Variants in HLF observed in about 807,000 individuals in gnomAD.
HLF encodes the protein hepatic leukemia factor.
HLF carries 3 observed loss-of-function variants against 22.6 expected under a neutral mutation model. The observed-to-expected ratio is 0.13, with a 90% CI of 0.06 to 0.34. The LOEUF (loss-of-function observed/expected upper bound fraction) is 0.34, where lower values mean the gene tolerates loss of function less well. Ranked by LOEUF, HLF falls within the 10% of genes least tolerant of loss-of-function variation. The pLI is 1.00. For missense variants in HLF, 299 were observed against 389.2 expected (o/e 0.77, Z 1.95); for synonymous variants, 151 against 151.8 (o/e 0.99, Z 0.04).
At chr17:55,317,729 A>C (rs28665431) in intron 3 of HLF, among the ~76,000 whole-genome samples, 9,023 of 152,272 alleles carry the variant, frequency 0.059, 600 homozygotes, top group African/African-American at 0.16. Flanking sequence ...TCTGGCCCCC[A>C]GCATTGGACA....
chr17:55,317,467 A>C (rs774422248), intron 3 of HLF, among the ~76,000 whole-genome samples: 1 of 152,220 alleles, frequency 6.6e-6, no homozygotes, highest in Non-Finnish European at 1.5e-5. Context: ...GGCAACAAAG[A>C]GGCCAGACAA....
In HLF at chr17:55,321,781, T is replaced by C. The variant is rs1905270489; in HGVS notation, c.*902T>C. ...CAGAGGGAAATGGGAGGTCTAAGGA[T>C]GAGGGGTTAATTTATCAGTACATGA... On this transcript the variant is annotated 3_prime_UTR_variant, in exon 4 of 4. Transcript: ENST00000226067. 1 of 231,410 alleles carries C rather than the reference T, an allele frequency of 4.3e-6. No homozygotes were observed. The highest frequency in any genetic ancestry group is 8.6e-6 in the Non-Finnish European group (1 of 116,690). 14.3% of individuals were successfully genotyped at this position (231,410 alleles called of 1,614,324 possible).
intron 2 of HLF, among the ~76,000 whole-genome samples, chr17:55,270,095 G>A (rs1431024055): frequency 6.6e-6 from 1 of 152,192 alleles, no homozygotes; most frequent in Non-Finnish European, 1.5e-5. Context: ...GTGACTCTCA[G>A]AAGGCTTGGA....
intron 2 of HLF, among the ~76,000 whole-genome samples, chr17:55,292,833 C>T (rs2081076584): frequency 6.6e-6 from 1 of 152,174 alleles, no homozygotes; most frequent in African/African-American, 2.4e-5. Context: ...AATTCTATCA[C>T]TTGCAGCAAC....
intron 2 of HLF, among the ~76,000 whole-genome samples, chr17:55,270,919 G>C (rs2080849141): frequency 6.6e-6 from 1 of 152,292 alleles, no homozygotes; most frequent in South Asian, 2.1e-4. Context: ...TGGAATTACA[G>C]GCGTGAGCCA....
chr17:55,319,111 A>G (rs918695312), intron 3 of HLF: 5 of 152,252 alleles, frequency 3.3e-5, no homozygotes, highest in Non-Finnish European at 7.3e-5. Context: ...TATGAAATGT[A>G]TAAAAAGCTG....
chr17:55,301,119 G>A (rs1321262623), intron 2 of HLF, among the ~76,000 whole-genome samples: 1 of 152,202 alleles, frequency 6.6e-6, no homozygotes, highest in African/African-American at 2.4e-5. Flanking sequence ...GACATTTCCT[G>A]TTGTCCCTGC....
chr17:55,282,746 G>T (rs1182531381), intron 2 of HLF, among the ~76,000 whole-genome samples: 1 of 152,100 alleles, frequency 6.6e-6, no homozygotes, highest in Non-Finnish European at 1.5e-5. Context: ...GCTGGAAGAC[G>T]ACTAACATTC....
At position 55,323,179 on chromosome 17, in the gene HLF, C is replaced by G. The variant is rs1567829360; in HGVS notation, c.*2300C>G. 1.4e-5 allele frequency: 3 copies of G among 217,060 alleles called. No individual in the cohort carries two copies. In the East Asian group the frequency reaches 2.1e-4, roughly 15 times the overall value. The allele number at this position is 217,060 out of a possible 1,614,324, so 13.4% of individuals were successfully genotyped here. A position where few individuals can be genotyped will look rare whatever the true frequency, so the allele number is the denominator to read the frequency against. On this transcript the variant is annotated 3_prime_UTR_variant, in exon 4 of 4. Transcript: ENST00000226067. Reference sequence around the variant, plus strand: ...AAGAGATGGGGGTGTATTGGAATTGCAATACATTGTTCAGGTGAATAATAA... The same window carrying G: ...AAGAGATGGGGGTGTATTGGAATTGGAATACATTGTTCAGGTGAATAATAA...
rs147246511 is a variant in HLF at position 55,290,371 on chromosome 17, C to T, written c.451+22285C>T. Reference sequence around the variant, plus strand: ...CACAAGCCTTTTGGCACTATTTTTCCAACAGTATGTGTTCACTTGGTGTCT... The same window carrying T: ...CACAAGCCTTTTGGCACTATTTTTCTAACAGTATGTGTTCACTTGGTGTCT... On this transcript the variant is annotated intron_variant, in intron 2 of 3. Transcript: ENST00000226067. Among the ~76,000 whole-genome samples the T allele has an allele frequency of 1.4e-4, 21 of 152,246 alleles. No homozygotes were observed. The East Asian group carries it at 1.5e-3, about 11-fold the overall frequency.
At chr17:55,268,712 T>G (rs920781043) in intron 2 of HLF, among the ~76,000 whole-genome samples, 96 of 152,212 alleles carry the variant, frequency 6.3e-4, no homozygotes, top group African/African-American at 2.2e-3. Context: ...CTCGTTGCTA[T>G]TCCCATAAAC....
At chr17:55,286,810 C>G (rs1012219007) in intron 2 of HLF, among the ~76,000 whole-genome samples, 1 of 152,176 alleles carries the variant, frequency 6.6e-6, no homozygotes, top group Non-Finnish European at 1.5e-5. Context: ...AACAACCAAT[C>G]AAGACTTACA....
At chr17:55,318,477 G>A (rs377294083) in intron 3 of HLF, among the ~76,000 whole-genome samples, 1 of 152,146 alleles carries the variant, frequency 6.6e-6, no homozygotes, top group Non-Finnish European at 1.5e-5. Context: ...AGAGAAGTTG[G>A]TTGTTACCCT....
At chr17:55,300,099 A>G (rs1427385022) in intron 2 of HLF, among the ~76,000 whole-genome samples, 1 of 152,184 alleles carries the variant, frequency 6.6e-6, no homozygotes, top group African/African-American at 2.4e-5. Flanking sequence ...TCAGCCTCCC[A>G]AAGTGCTGGA....
rs1452734443 is a variant in HLF, at chr17:55,320,018, T to A, written c.673-646T>A. On this transcript the variant is annotated intron_variant, in intron 3 of 3. Transcript: ENST00000226067. This position sits in a 1 kb window ranked among gnomAD's most constrained non-coding sequence, Gnocchi z 4.2. ...CTTTCTGGTGCAGGTGGGTCATTATTTTTAACAGCTGCCAAGTATCCCTTT... is the reference window on the plus strand; with the variant it reads ...CTTTCTGGTGCAGGTGGGTCATTATATTTAACAGCTGCCAAGTATCCCTTT... Among the ~76,000 whole-genome samples the A allele has an allele frequency of 6.6e-6, 1 of 152,230 alleles. No homozygotes were observed. The highest frequency in any genetic ancestry group is 1.9e-4 in the East Asian group (1 of 5,202).
chr17:55,303,758 C>T (rs1904408065), intron 2 of HLF, among the ~76,000 whole-genome samples: 1 of 152,126 alleles, frequency 6.6e-6, no homozygotes, highest in South Asian at 2.1e-4. Flanking sequence ...TCTGCATCCT[C>T]ATGGATGGTT....
intron 2 of HLF, among the ~76,000 whole-genome samples, chr17:55,301,146 G>A (rs2081154369): frequency 6.6e-6 from 1 of 152,224 alleles, no homozygotes; most frequent in African/African-American, 2.4e-5. Flanking sequence ...TCCAAAGATA[G>A]GGATTTGTGA....
At chr17:55,281,694 CAT>C (rs1415188848) in intron 2 of HLF, among the ~76,000 whole-genome samples, 2 of 152,218 alleles carry the variant, frequency 1.3e-5, no homozygotes, top group South Asian at 2.1e-4. Context: ...CAAATCAACT[CAT>C]ATTAGAAATG....
intron 2 of HLF, among the ~76,000 whole-genome samples, chr17:55,302,614 C>T (rs1168907254): frequency 1.3e-5 from 2 of 152,144 alleles, no homozygotes; most frequent in Non-Finnish European, 2.9e-5. Flanking sequence ...CTGATTTCGT[C>T]TCCTGCTTCA....
Sources: gnomAD v4.1 joint callset for allele counts (sites outside exome capture counted in the v4.1 genomes callset) on GRCh38, gnomAD v4.1.1 for gene constraint, Gnocchi (gnomAD v3.1) non-coding constraint, MANE v1.5 for transcripts, NCBI Gene and HGNC (gene_info 2026-07-23, HGNC 2026-07-21) for gene names.